The following POU2AF2 variants were observed in gnomAD, a reference collection of about 807,000 sequenced individuals.
The protein encoded by POU2AF2 is POU domain class 2-associating factor 2.
At chr11:111,258,649 G>A in the POU2AF2 span, among the ~76,000 whole-genome samples, 1 of 152,110 alleles carries the variant, frequency 6.6e-6, no homozygotes, top group East Asian at 1.9e-4. Context: ...ATGAGACAAT[G>A]TAGACATAAT....
At chr11:111,270,703 T>C in the POU2AF2 span, among the ~76,000 whole-genome samples, 1 of 152,248 alleles carries the variant, frequency 6.6e-6, no homozygotes, top group African/African-American at 2.4e-5. Context: ...GTATCAGCAG[T>C]AAGGTTGGTG....
chr11:111,246,415 C>T, the POU2AF2 span, among the ~76,000 whole-genome samples: 2 of 152,152 alleles, frequency 1.3e-5, no homozygotes, highest in African/African-American at 4.8e-5. Context: ...GATGTTCATC[C>T]TGAGATACAA....
the POU2AF2 span, among the ~76,000 whole-genome samples, chr11:111,282,011 C>T: frequency 6.6e-6 from 1 of 152,090 alleles, no homozygotes; most frequent in Non-Finnish European, 1.5e-5. Flanking sequence ...GGAATAAGAG[C>T]AATCGAGGAT....
chr11:111,281,778 G>C, the POU2AF2 span, among the ~76,000 whole-genome samples: 1 of 152,314 alleles, frequency 6.6e-6, no homozygotes, highest in Admixed American at 6.5e-5. Context: ...AGCCGTCTGC[G>C]AGCAGAGGGA....
chr11:111,247,057 T>G, the POU2AF2 span, among the ~76,000 whole-genome samples: 1 of 152,270 alleles, frequency 6.6e-6, no homozygotes, highest in East Asian at 1.9e-4. Context: ...AGTGAGATCA[T>G]GCAATATTTT....
the POU2AF2 span, among the ~76,000 whole-genome samples, chr11:111,283,058 CTTTTTTT>C: frequency 8.4e-6 from 1 of 118,422 alleles, no homozygotes; most frequent in East Asian, 2.5e-4. Flanking sequence ...AAACTTTTTA[CTTTTTTT>C]TTTTTTTTTT....
At chr11:111,280,518 ACTCTGTGCTGCC>A in the POU2AF2 span, among the ~76,000 whole-genome samples, 18 of 152,012 alleles carry the variant, frequency 1.2e-4, no homozygotes, top group East Asian at 3.5e-3. Flanking sequence ...ATTCAGTCCC[ACTCTGTGCTGCC>A]CAGGACTTGA....
At chr11:111,255,763 A>G in the POU2AF2 span, among the ~76,000 whole-genome samples, 8 of 151,964 alleles carry the variant, frequency 5.3e-5, no homozygotes, top group African/African-American at 1.7e-4. Flanking sequence ...AGATGATGGA[A>G]CAGTGTTTCT....
At chr11:111,264,826 A>C in the POU2AF2 span, among the ~76,000 whole-genome samples, 50 of 147,254 alleles carry the variant, frequency 3.4e-4, no homozygotes, top group Non-Finnish European at 2.4e-4. Flanking sequence ...AAAGGGAAAG[A>C]AAGAAAGAGA....
the POU2AF2 span, among the ~76,000 whole-genome samples, chr11:111,283,386 T>C: frequency 2.6e-4 from 39 of 151,206 alleles, 1 homozygote; most frequent in African/African-American, 9.0e-4. Context: ...ACTGTCTTCC[T>C]AAACGTGCTG....
chr11:111,284,463 G>A, the POU2AF2 span: 6 of 1,443,778 alleles, frequency 4.2e-6, no homozygotes, highest in Non-Finnish European at 5.5e-6. Flanking sequence ...CATCCGGGTT[G>A]AAGCCAGGTC....
At chr11:111,255,615 T>C in the POU2AF2 span, among the ~76,000 whole-genome samples, 1 of 152,242 alleles carries the variant, frequency 6.6e-6, no homozygotes, top group Non-Finnish European at 1.5e-5. Flanking sequence ...ATCTAACTTC[T>C]ACCTCATGTA....
the POU2AF2 span, among the ~76,000 whole-genome samples, chr11:111,248,445 A>T: frequency 0.064 from 9,781 of 152,306 alleles, 447 homozygotes; most frequent in Middle Eastern, 0.16. Context: ...TGACAGGCAG[A>T]GAATGGACCA....
At chr11:111,271,509 C>A in the POU2AF2 span, among the ~76,000 whole-genome samples, 17 of 152,132 alleles carry the variant, frequency 1.1e-4, no homozygotes, top group Middle Eastern at 3.4e-3. Context: ...GCAGCCTTGA[C>A]CTTCTGGGCT....
chr11:111,252,185 G>C, the POU2AF2 span, among the ~76,000 whole-genome samples: 5 of 152,158 alleles, frequency 3.3e-5, no homozygotes, highest in African/African-American at 2.4e-5. Context: ...ATCGACCTCA[G>C]TCAGTCAGAT....
chr11:111,270,462 A>G, the POU2AF2 span, among the ~76,000 whole-genome samples: 1 of 152,234 alleles, frequency 6.6e-6, no homozygotes, highest in South Asian at 2.1e-4. Context: ...GCACAAAACC[A>G]GATGAACTCT....
At chr11:111,278,248 T>G in the POU2AF2 span, among the ~76,000 whole-genome samples, 4 of 152,216 alleles carry the variant, frequency 2.6e-5, no homozygotes, top group Non-Finnish European at 5.9e-5. Flanking sequence ...ATCCCACAGC[T>G]AATAAGAGGT....
At chr11:111,253,779 T>C in the POU2AF2 span, among the ~76,000 whole-genome samples, 11 of 152,298 alleles carry the variant, frequency 7.2e-5, no homozygotes, top group East Asian at 1.9e-3. Context: ...AACATCATGA[T>C]TGACCCCTAC....
chr11:111,252,176 T>C, the POU2AF2 span, among the ~76,000 whole-genome samples: 6 of 152,162 alleles, frequency 3.9e-5, no homozygotes, highest in Non-Finnish European at 8.8e-5. Context: ...TAAGTCCACA[T>C]CGACCTCAGT....
Sources: allele counts gnomAD v4.1 joint callset (sites outside exome capture counted in the v4.1 genomes callset), GRCh38; gene constraint gnomAD v4.1.1; transcripts MANE v1.5; gene names NCBI Gene and HGNC (gene_info 2026-07-23, HGNC 2026-07-21).